The following KATNIP variants were observed in gnomAD, a reference collection of about 807,000 sequenced individuals.
KATNIP encodes the protein katanin-interacting protein.
In KATNIP, 126 loss-of-function variants were observed where a neutral mutation model predicts 174.0. The observed-to-expected ratio is 0.72, with a 90% CI of 0.63 to 0.84. The LOEUF (loss-of-function observed/expected upper bound fraction) is 0.84, where lower values mean the gene tolerates loss of function less well. Among genes scored for constraint, KATNIP ranks in the 40% least tolerant of loss-of-function variants. The pLI, the probability that KATNIP is intolerant of heterozygous loss-of-function variation, is 0.00. For synonymous variants in KATNIP, 810 were observed against 835.7 expected, an observed-to-expected ratio of 0.97 and a Z score of 0.53; for missense variants, 1,958 against 2,109.7, an observed-to-expected ratio of 0.93 and a Z score of 1.41.
intron 1 of KATNIP, among the ~76,000 whole-genome samples, chr16:27,567,029 C>T (rs1455694612): frequency 2.0e-5 from 3 of 152,080 alleles, no homozygotes; most frequent in Non-Finnish European, 4.4e-5. Context: ...TTCCAGAAAC[C>T]GTATTTTGTC....
Position 27,631,149 on chromosome 16 carries a change from G to A in KATNIP, c.395G>A (p.Arg132Gln), listed in dbSNP as rs748470951. ...ACAGCCCCCAGTAAAGTCCAGCGCC[G>A]AGGATGGCACCAGGTCTGGAGACTG... ...SRTAPSKVQR[R>Q]GWHQKSVQIR... Residue 132 changes from arginine to glutamine, a missense_variant, in exon 5 of 28, where the codon CGA (arginine) becomes CAA (glutamine). By Grantham distance (43) the Arg-to-Gln change is conservative (BLOSUM62 1). Transcript: ENST00000261588. The A allele has an allele frequency of 1.5e-5, 24 of 1,568,204 alleles. No homozygotes were observed. The highest frequency in any genetic ancestry group is 3.5e-5 in the South Asian group (3 of 85,328).
At chr16:27,733,263 C>T (rs2080763216) in intron 14 of KATNIP, among the ~76,000 whole-genome samples, 1 of 152,040 alleles carries the variant, frequency 6.6e-6, no homozygotes, top group South Asian at 2.1e-4. Context: ...TACACTGGGG[C>T]CAGGGATGAA....
chr16:27,628,465 G>C lies in KATNIP; in HGVS notation c.141-196G>C. On this transcript the variant is annotated intron_variant, in intron 3 of 27. Coordinates refer to ENST00000261588, the MANE Select transcript of KATNIP (RefSeq NM_015202.5). Reference sequence around the variant, plus strand: ...AAACTTCCCTGTAGGGCCCCAAACTGTCTGCCCCTCGTGGCTTCTCTAAGT... The same window carrying C: ...AAACTTCCCTGTAGGGCCCCAAACTCTCTGCCCCTCGTGGCTTCTCTAAGT... The C allele has an allele frequency of 5.1e-6, 3 of 586,204 alleles. No homozygotes were observed. In the South Asian group the frequency reaches 6.3e-5, roughly 12 times the overall value. The allele number at this position is 586,204 out of a possible 1,614,324, so 36.3% of individuals were successfully genotyped here. A position where few individuals can be genotyped will look rare whatever the true frequency, so the allele number is the denominator to read the frequency against.
In KATNIP at chr16:27,708,829, A is replaced by G; in HGVS notation, c.1514A>G (p.Asp505Gly). The change falls in exon 13 of 28, where the codon GAC (aspartate) becomes GGC (glycine). Residue 505 changes from aspartate (D) to glycine (G), a missense_variant. Physicochemically the swap from Asp to Gly is moderately conservative, Grantham distance 94. Transcript: ENST00000261588. ...GAAGTCGAGTTCTTTGACTTGAATG[A>G]CACAAAGCTTTATGTGTCGCCCCAC... is the stretch of plus-strand genomic sequence containing the variant. ...LTEVEFFDLN[D>G]TKLYVSPHDV... The G allele has an allele frequency of 6.2e-7, 1 of 1,614,064 alleles. No individual in the cohort carries two copies.
At chr16:27,636,595 C>T (rs1339891636) in intron 5 of KATNIP, among the ~76,000 whole-genome samples, 1 of 151,836 alleles carries the variant, frequency 6.6e-6, no homozygotes, top group African/African-American at 2.4e-5. Context: ...TGCCCTGGAG[C>T]TCTCTGTGTA....
chr16:27,576,779 A>G (rs2090514711), intron 2 of KATNIP, among the ~76,000 whole-genome samples: 1 of 152,176 alleles, frequency 6.6e-6, no homozygotes, highest in Non-Finnish European at 1.5e-5. Context: ...TGCCTTACCC[A>G]GGATGCCAGG....
chr16:27,778,888 C>G lies in KATNIP; in HGVS notation c.*259C>G. 2.3e-6 allele frequency: 1 copy of G among 441,962 alleles called. No individual in the cohort carries two copies. The highest frequency in any genetic ancestry group is 4.0e-6 in the Non-Finnish European group (1 of 250,160). 27.4% of individuals were successfully genotyped at this position (441,962 alleles called of 1,614,324 possible). A position where few individuals can be genotyped will look rare whatever the true frequency, so the allele number is the denominator to read the frequency against. On this transcript the variant is annotated 3_prime_UTR_variant, in exon 28 of 28. Coordinates refer to ENST00000261588, the MANE Select transcript of KATNIP (RefSeq NM_015202.5). Reference sequence around the variant, plus strand: ...GCCCAGGACACCCGCCTTCATGCCTCTGCTGTGAGACCCAGCAAAGCAGGG... The same window carrying G: ...GCCCAGGACACCCGCCTTCATGCCTGTGCTGTGAGACCCAGCAAAGCAGGG...
rs143887648 is a variant in KATNIP, at chr16:27,774,934, C to T, written c.4310-11C>T. 2,444 of 1,613,658 alleles carry T rather than the reference C, an allele frequency of 1.5e-3. 8 individuals are homozygous for T. Among genetic ancestry groups the T allele is most frequent in the Non-Finnish European group, 1.9e-3 (2,233 of 1,179,926 alleles). On this transcript the variant is annotated splice_polypyrimidine_tract_variant and intron_variant, in intron 23 of 27. Transcript: ENST00000261588. ...CAGATTTGGGTTATGGCAACTTAGA[C>T]GTCTCCTCAGATATTGCGGCCTTCC...
chr16:27,750,367 G>A (rs1392258075), intron 16 of KATNIP, 61 bp downstream of exon 16: 4 of 1,520,448 alleles, frequency 2.6e-6, no homozygotes, highest in Non-Finnish European at 8.8e-7. Flanking sequence ...GAGAGTCTAT[G>A]GGAAAAAACA....
At chr16:27,672,339 A>G (rs898136212) in intron 6 of KATNIP, among the ~76,000 whole-genome samples, 25 of 152,000 alleles carry the variant, frequency 1.6e-4, no homozygotes, top group Non-Finnish European at 1.2e-4. Context: ...CCTGACCACC[A>G]TTCATCAGGG....
chr16:27,621,963 G>C (rs1596965012), intron 3 of KATNIP, among the ~76,000 whole-genome samples: 1 of 151,932 alleles, frequency 6.6e-6, no homozygotes, highest in Non-Finnish European at 1.5e-5. Context: ...AGATTTAGAG[G>C]GGTCATACAT....
At chr16:27,766,277 G>GC in intron 19 of KATNIP, 32 bp from the exon 20 acceptor site, 1 of 1,608,614 alleles carries the variant, frequency 6.2e-7, no homozygotes. Flanking sequence ...CCACTGAGCC[G>GC]CCCCCCTGCC....
intron 5 of KATNIP, 113 bp from the exon 6 acceptor site, chr16:27,648,491 A>AT: frequency 8.0e-7 from 1 of 1,250,494 alleles, no homozygotes; most frequent in Non-Finnish European, 1.1e-6. Flanking sequence ...ACACCACCCC[A>AT]TGGTATCTAT....
chr16:27,713,565 A>G (rs1307588701), intron 13 of KATNIP, among the ~76,000 whole-genome samples: 1 of 150,888 alleles, frequency 6.6e-6, no homozygotes, highest in African/African-American at 2.4e-5. Context: ...ACATAGTGAG[A>G]CCCTGTCTCC....
intron 16 of KATNIP, 99 bp downstream of exon 16, chr16:27,750,405 A>C: frequency 8.8e-7 from 1 of 1,137,244 alleles, no homozygotes; most frequent in Non-Finnish European, 1.2e-6. Flanking sequence ...ACAACAGATC[A>C]GTCCTTTCTC....
At chr16:27,574,377 T>G (rs1295297901) in intron 2 of KATNIP, 2 of 210,018 alleles carry the variant, frequency 9.5e-6, no homozygotes, top group African/African-American at 4.7e-5. Flanking sequence ...AGTGTCAGGG[T>G]GCCTCAGTTC....
intron 13 of KATNIP, among the ~76,000 whole-genome samples, chr16:27,720,176 C>T (rs1399047391): frequency 1.3e-5 from 2 of 152,124 alleles, no homozygotes; most frequent in African/African-American, 2.4e-5. Context: ...CTGCAACATC[C>T]ACCTCACGAG....
chr16:27,574,963 C>T (rs899437953), intron 2 of KATNIP, among the ~76,000 whole-genome samples: 7 of 150,988 alleles, frequency 4.6e-5, no homozygotes, highest in South Asian at 4.5e-4. Context: ...TCTTGAAATC[C>T]GCTACCTTCC....
chr16:27,699,719 G>T (rs2079033344), intron 10 of KATNIP, 120 bp downstream of exon 10: 1 of 1,385,050 alleles, frequency 7.2e-7, no homozygotes, highest in Non-Finnish European at 9.8e-7. Flanking sequence ...GGCCTCCAGG[G>T]CGCTTTCCTT....
Sources: allele counts gnomAD v4.1 joint callset (sites outside exome capture counted in the v4.1 genomes callset), GRCh38; gene constraint gnomAD v4.1.1; transcripts MANE v1.5; gene names NCBI Gene and HGNC (gene_info 2026-07-23, HGNC 2026-07-21).